ADAMTSL3: variants seen among roughly 807,000 people sequenced by gnomAD.
ADAMTSL3 encodes the protein ADAMTS-like protein 3.
Under a neutral mutation model 201.7 loss-of-function variants are expected in ADAMTSL3, and 128 were observed. The observed-to-expected ratio is 0.63, with a 90% CI of 0.55 to 0.73. The LOEUF is 0.73. ADAMTSL3 is among the 30% of genes least tolerant of loss of function. ADAMTSL3 has a pLI of 0.00. For missense variants in ADAMTSL3, 1,990 were observed against 2,119.6 expected (o/e 0.94, Z 1.20); for synonymous variants, 738 against 748.4 (o/e 0.99, Z 0.23).
intron 4 of ADAMTSL3, among the ~76,000 whole-genome samples, chr15:83,786,416 C>T (rs751483129): frequency 1.3e-5 from 2 of 152,056 alleles, no homozygotes; most frequent in Non-Finnish European, 2.9e-5. Context: ...ATGGGGTATT[C>T]GTCCCTTTAA....
chr15:83,883,885 AT>A (rs2065331630), intron 9 of ADAMTSL3, among the ~76,000 whole-genome samples: 1 of 147,304 alleles, frequency 6.8e-6, no homozygotes, highest in South Asian at 2.2e-4. Context: ...TAACACATTA[AT>A]TTTTTCTTTT....
rs1471065088 is a variant in ADAMTSL3, at chr15:83,982,920, G to A, written c.3292G>A (p.Glu1098Lys). Reference sequence around the variant, plus strand: ...TAGCATGGATACAGCCCAGTTTGATGAGCTGATAAGAAACATGAGTCAGCT... The same window carrying A: ...TAGCATGGATACAGCCCAGTTTGATAAGCTGATAAGAAACATGAGTCAGCT... ...AYSMDTAQFD[E>K]LIRNMSQLME... Residue 1098 changes from glutamate to lysine, a missense_variant, in exon 21 of 30, where the codon GAG becomes AAG. Coordinates refer to ENST00000286744, the MANE Select transcript of ADAMTSL3 (RefSeq NM_207517.3). The A allele has an allele frequency of 1.2e-6, 2 of 1,614,080 alleles. No individual in the cohort carries two copies. Among genetic ancestry groups the A allele is most frequent in the South Asian group, 1.1e-5 (1 of 91,074 alleles).
At chr15:83,947,373 G>A (rs1266991602) in intron 19 of ADAMTSL3, among the ~76,000 whole-genome samples, 1 of 152,240 alleles carries the variant, frequency 6.6e-6, no homozygotes, top group African/African-American at 2.4e-5. Context: ...ATATGTTTAA[G>A]CTCTGTCCAT....
intron 12 of ADAMTSL3, 88 bp downstream of exon 12, chr15:83,891,467 G>A: frequency 1.8e-6 from 2 of 1,091,276 alleles, no homozygotes; most frequent in South Asian, 2.6e-5. Flanking sequence ...AAATGTATGA[G>A]GGTTAGATAT....
At chr15:84,028,276 C>T (rs932607703) in intron 27 of ADAMTSL3, among the ~76,000 whole-genome samples, 44 of 152,066 alleles carry the variant, frequency 2.9e-4, no homozygotes, top group Admixed American at 2.9e-3. Flanking sequence ...AGAAAAAAGG[C>T]AGTATAAGAC....
At chr15:83,975,899 G>A (rs911459967) in intron 20 of ADAMTSL3, among the ~76,000 whole-genome samples, 16 of 152,112 alleles carry the variant, frequency 1.1e-4, no homozygotes, top group Non-Finnish European at 2.1e-4. Context: ...ACTTGGTCAG[G>A]TTTTATTTTA....
At chr15:83,986,831 G>T (rs1166043194) in intron 21 of ADAMTSL3, among the ~76,000 whole-genome samples, 1 of 152,158 alleles carries the variant, frequency 6.6e-6, no homozygotes, top group Non-Finnish European at 1.5e-5. Flanking sequence ...CCTATAGAAA[G>T]ATCAACTTTG....
chr15:83,886,723 C>T (rs145444149), intron 10 of ADAMTSL3, among the ~76,000 whole-genome samples: 1 of 152,294 alleles, frequency 6.6e-6, no homozygotes, highest in African/African-American at 2.4e-5. Flanking sequence ...GAGTCAGAAA[C>T]TGGCCTTTCT....
Position 83,983,301 on chromosome 15 carries a change from T to C in ADAMTSL3, c.3673T>C (p.Tyr1225His), listed in dbSNP as rs2067422152. 1.3e-6 allele frequency: 2 copies of C among 1,584,920 alleles called. No individual in the cohort carries two copies. Among genetic ancestry groups the C allele is most frequent in the African/African-American group, 2.7e-5 (2 of 73,938 alleles). ...CCTTATTACCCCCAGTGAGGCCACA[T>C]ATACATGGACCAAGGATGGAACCTT... Reference protein sequence around the residue: ...CDLITPSEATYTWTKDGTLLQ... With the variant: ...CDLITPSEATHTWTKDGTLLQ... The change falls in exon 21 of 30, where the codon TAT (tyrosine) becomes CAT (histidine). Residue 1225 changes from tyrosine (Y) to histidine (H), a missense_variant. By Grantham distance (83) the Tyr-to-His change is moderately conservative. Transcript: ENST00000286744.
At chr15:84,036,070 A>T (rs1192720782) in intron 28 of ADAMTSL3, among the ~76,000 whole-genome samples, 1 of 152,162 alleles carries the variant, frequency 6.6e-6, no homozygotes. Context: ...ACTCTCAAGC[A>T]GTGCAAATAT....
chr15:84,030,024 A>G (rs1234197192), intron 27 of ADAMTSL3, among the ~76,000 whole-genome samples: 1 of 152,270 alleles, frequency 6.6e-6, no homozygotes, highest in Admixed American at 6.5e-5. Context: ...AGAGGAATGT[A>G]TGGAAAACCC....
chr15:83,886,021 G>A (rs898926941), intron 10 of ADAMTSL3, among the ~76,000 whole-genome samples: 1 of 152,196 alleles, frequency 6.6e-6, no homozygotes, highest in Admixed American at 6.5e-5. Flanking sequence ...ACTGTGCCCA[G>A]CCTTTTTCAA....
chr15:83,833,483 C>G (rs1182291820), intron 6 of ADAMTSL3, among the ~76,000 whole-genome samples: 3 of 152,134 alleles, frequency 2.0e-5, no homozygotes, highest in Non-Finnish European at 2.9e-5. Context: ...GTACCATCAA[C>G]TTGAGGGTTA....
At chr15:83,891,305 T>C in intron 11 of ADAMTSL3, 24 bp from the exon 12 acceptor site, 1 of 1,563,146 alleles carries the variant, frequency 6.4e-7, no homozygotes, top group East Asian at 2.2e-5. Context: ...AGAAATGATA[T>C]TCTCACAATG....
intron 3 of ADAMTSL3, among the ~76,000 whole-genome samples, chr15:83,756,626 C>T (rs1276731298): frequency 7.1e-6 from 1 of 140,280 alleles, no homozygotes; most frequent in Admixed American, 8.7e-5. Flanking sequence ...CATGTCCTAA[C>T]ATTTCAAAAT....
Position 84,025,349 on chromosome 15 carries a change from T to G in ADAMTSL3, c.4569T>G (p.Ser1523=). ...CCAATGGAACTGTGCAGGTGGTGTC[T>G]CCAAGAGCATGTGCCCCTAAAGACC... The part of the protein sequence containing the change: ...TKANGTVQVV[S]PRACAPKDRP... The change falls in exon 27 of 30, where the codon TCT becomes TCG. Residue 1523 remains serine, a synonymous_variant. Transcript: ENST00000286744. 1 of 1,614,148 alleles carries G rather than the reference T, an allele frequency of 6.2e-7. No homozygotes were observed. The highest frequency in any genetic ancestry group is 8.5e-7 in the Non-Finnish European group (1 of 1,180,036).
At chr15:83,950,762 G>T (rs1208607210) in intron 19 of ADAMTSL3, among the ~76,000 whole-genome samples, 1 of 151,650 alleles carries the variant, frequency 6.6e-6, no homozygotes, top group East Asian at 1.9e-4. Flanking sequence ...TTTATTTGTA[G>T]CTATTGTAAA....
chr15:83,688,048 C>G (rs889897776), intron 2 of ADAMTSL3, among the ~76,000 whole-genome samples: 2 of 152,032 alleles, frequency 1.3e-5, no homozygotes, highest in African/African-American at 4.8e-5. Flanking sequence ...GTTTTAGAAG[C>G]CTTAACGTTC....
intron 3 of ADAMTSL3, among the ~76,000 whole-genome samples, chr15:83,763,976 T>A (rs985582709): frequency 6.6e-6 from 1 of 152,204 alleles, no homozygotes; most frequent in Non-Finnish European, 1.5e-5. Flanking sequence ...GAATCCTACC[T>A]CAAGGGTGGG....
Sources: allele counts gnomAD v4.1 joint callset (sites outside exome capture counted in the v4.1 genomes callset), GRCh38; gene constraint gnomAD v4.1.1; transcripts MANE v1.5; gene names NCBI Gene and HGNC (gene_info 2026-07-23, HGNC 2026-07-21).